RORA: variants seen among roughly 807,000 people sequenced by gnomAD.
The protein encoded by RORA is nuclear receptor ROR-alpha.
RORA carries 7 observed loss-of-function variants against 69.5 expected under a neutral mutation model. The ratio of observed to expected loss-of-function variants is 0.10; its 90% confidence interval spans 0.06 to 0.19. The LOEUF (loss-of-function observed/expected upper bound fraction) is 0.19, where lower values mean the gene tolerates loss of function less well. RORA is among the 10% of genes least tolerant of loss of function. The pLI, the probability that RORA is intolerant of heterozygous loss-of-function variation, is 1.00. For synonymous variants in RORA, 261 were observed against 240.8 expected, an observed-to-expected ratio of 1.08 and a Z score of -0.78; for missense variants, 457 against 663.0, an observed-to-expected ratio of 0.69 and a Z score of 3.41.
chr15:61,025,155 A>C lies in RORA; in HGVS notation c.166+203898T>G, dbSNP rs376814735. Among the ~76,000 whole-genome samples, 47 of 152,264 alleles carry C rather than the reference A, an allele frequency of 3.1e-4. 2 individuals are homozygous for C. In the South Asian group the frequency reaches 6.8e-3, roughly 22 times the overall value. On this transcript the variant is annotated intron_variant, in intron 1 of 10. Transcript: ENST00000335670. ...CCCTTCATGTATAAAATGATGAGCC[A>C]GGGTCAAGCTCCAGGATGCCCCTGA...
intron 1 of RORA, among the ~76,000 whole-genome samples, chr15:60,988,938 G>A (rs1261741612): frequency 2.6e-5 from 4 of 152,110 alleles, no homozygotes; most frequent in Non-Finnish European, 5.9e-5. Context: ...GTTGTGGGGC[G>A]GGCACAGTGA....
chr15:60,714,980 C>T (rs1184437404), intron 1 of RORA, among the ~76,000 whole-genome samples: 1 of 152,128 alleles, frequency 6.6e-6, no homozygotes, highest in Non-Finnish European at 1.5e-5. Flanking sequence ...GGCTGGAATT[C>T]AAGTCTTTTG....
In RORA at chr15:60,495,837, C is replaced by T. The variant is rs551244222; in HGVS notation, c.*1618G>A. 1 of 138,368 alleles carries T rather than the reference C, an allele frequency of 7.2e-6. No homozygotes were observed. Among genetic ancestry groups the T allele is most frequent in the African/African-American group, 2.8e-5 (1 of 36,198 alleles). 8.6% of individuals were successfully genotyped at this position (138,368 alleles called of 1,614,324 possible). On this transcript the variant is annotated 3_prime_UTR_variant, in exon 11 of 11. Coordinates refer to ENST00000335670, the MANE Select transcript of RORA (RefSeq NM_134261.3). ...TCTGTTTATCAGACTATTCCTTTCC[C>T]CTTCCCCCACTAGGGATCATTAAAA...
chr15:60,961,293 T>A (rs1893407178), intron 1 of RORA, among the ~76,000 whole-genome samples: 1 of 152,206 alleles, frequency 6.6e-6, no homozygotes, highest in African/African-American at 2.4e-5. Context: ...ATGCCCTGCA[T>A]GATGTAAAAG....
chr15:60,611,589 A>AAAAAAAAAAAG (rs2069091475), intron 2 of RORA, among the ~76,000 whole-genome samples: 3 of 146,392 alleles, frequency 2.0e-5, no homozygotes, highest in African/African-American at 2.6e-5. Flanking sequence ...AAAAAAAAAA[A>AAAAAAAAAAAG]GGTGGAGTCT....
intron 2 of RORA, among the ~76,000 whole-genome samples, chr15:60,578,679 A>G (rs1017499156): frequency 1.3e-5 from 2 of 152,212 alleles, no homozygotes; most frequent in Admixed American, 6.5e-5. Context: ...TGTCATAAAG[A>G]ACATTAAAAA....
intron 1 of RORA, among the ~76,000 whole-genome samples, chr15:61,064,488 C>T (rs974526825): frequency 4.6e-5 from 7 of 152,312 alleles, no homozygotes; most frequent in South Asian, 4.1e-4. Flanking sequence ...CTGCAGGGAT[C>T]TCAAACTTTA....
At position 60,824,604 on chromosome 15, in the gene RORA, C is replaced by T. The variant is rs1055948334; in HGVS notation, c.167-145918G>A. ...CATCTTCTGCCATTTAACAGCTGTG[C>T]GACTATGGACAAATTATATAACCTT... On this transcript the variant is annotated intron_variant, in intron 1 of 10. Transcript: ENST00000335670. 9.0e-4 allele frequency among the ~76,000 whole-genome samples: 137 copies of T among 152,284 alleles called. 1 individual carries two copies. The highest frequency in any genetic ancestry group is 3.2e-3 in the African/African-American group (131 of 41,578).
chr15:61,214,863 C>T (rs1391948026), intron 1 of RORA, among the ~76,000 whole-genome samples: 11 of 107,068 alleles, frequency 1.0e-4, no homozygotes, highest in African/African-American at 3.4e-4. Context: ...CCTTCTTGGA[C>T]TTTTTTTTTT....
intron 1 of RORA, among the ~76,000 whole-genome samples, chr15:60,712,561 C>T (rs1596146810): frequency 6.6e-6 from 1 of 152,180 alleles, no homozygotes; most frequent in East Asian, 1.9e-4. Flanking sequence ...CTTAAGGTAT[C>T]CACCTAACTT....
Position 60,497,543 on chromosome 15 carries a change from T to C in RORA, c.1484A>G (p.Tyr495Cys). 6 of 1,613,364 alleles carry C rather than the reference T, an allele frequency of 3.7e-6. No homozygotes were observed. Among genetic ancestry groups the C allele is most frequent in the Non-Finnish European group, 4.2e-6 (5 of 1,179,284 alleles). ...TEKLMAFKAI[Y>C]PDIVRLHFPP... ...AAAATGAAGTCGCACAATGTCTGGG[T>C]ATATTGCTTTAAATGCCATTAGCTT... is the stretch of plus-strand genomic sequence containing the variant. The change falls in exon 11 of 11, where the codon TAC (tyrosine) becomes TGC (cysteine). Residue 495 changes from tyrosine to cysteine, a missense_variant. Transcript: ENST00000335670.
intron 1 of RORA, among the ~76,000 whole-genome samples, chr15:60,740,610 G>A (rs748339343): frequency 2.0e-5 from 3 of 152,152 alleles, no homozygotes; most frequent in African/African-American, 4.8e-5. Flanking sequence ...AGTTTATGTG[G>A]AGGAGCTGTT....
intron 1 of RORA, among the ~76,000 whole-genome samples, chr15:60,975,765 G>C (rs1016052995): frequency 6.6e-6 from 1 of 152,216 alleles, no homozygotes; most frequent in African/African-American, 2.4e-5. Context: ...ACAGGAAACG[G>C]GAGACCCCTA....
intron 1 of RORA, among the ~76,000 whole-genome samples, chr15:60,915,212 C>A (rs1022936179): frequency 6.6e-6 from 1 of 152,196 alleles, no homozygotes; most frequent in Non-Finnish European, 1.5e-5. Flanking sequence ...GCCTGCTCTC[C>A]CCAGCATGGG....
chr15:60,906,687 G>A (rs926382257), intron 1 of RORA, among the ~76,000 whole-genome samples: 7 of 152,124 alleles, frequency 4.6e-5, no homozygotes, highest in Non-Finnish European at 2.9e-5. Flanking sequence ...ACCCAGCCCT[G>A]GCCAATCCAG....
chr15:60,986,338 T>C (rs1894201785), intron 1 of RORA, among the ~76,000 whole-genome samples: 1 of 152,210 alleles, frequency 6.6e-6, no homozygotes, highest in East Asian at 1.9e-4. Flanking sequence ...TTTACCATGT[T>C]GGCCAAGCTG....
At chr15:60,745,348 A>G (rs2071632393) in intron 1 of RORA, among the ~76,000 whole-genome samples, 1 of 152,176 alleles carries the variant, frequency 6.6e-6, no homozygotes, top group African/African-American at 2.4e-5. Flanking sequence ...CAGGATCCGC[A>G]TCTTCCTGTG....
At chr15:60,619,056 G>C (rs1450970178) in intron 2 of RORA, among the ~76,000 whole-genome samples, 2 of 152,194 alleles carry the variant, frequency 1.3e-5, no homozygotes, top group African/African-American at 4.8e-5. Context: ...ACTTGTTCCT[G>C]GCAAACACAG....
chr15:61,059,636 C>T (rs887685398), intron 1 of RORA, among the ~76,000 whole-genome samples: 1 of 151,898 alleles, frequency 6.6e-6, no homozygotes, highest in Non-Finnish European at 1.5e-5. Context: ...AAATTAGAGC[C>T]CAGGATTTCC....
Sources: gnomAD v4.1 joint callset for allele counts (sites outside exome capture counted in the v4.1 genomes callset) on GRCh38, gnomAD v4.1.1 for gene constraint, MANE v1.5 for transcripts, NCBI Gene and HGNC (gene_info 2026-07-23, HGNC 2026-07-21) for gene names.